Variants in FBXO38 observed in about 807,000 individuals in gnomAD.
The protein encoded by FBXO38 is F-box protein 38.
A neutral mutation model predicts 131.9 loss-of-function variants in FBXO38; 53 were observed. The ratio of observed to expected loss-of-function variants is 0.40; its 90% CI spans 0.32 to 0.51. The LOEUF is 0.51. Ranked by LOEUF, FBXO38 falls within the 20% of genes least tolerant of loss-of-function variation. The pLI, the probability that FBXO38 is intolerant of heterozygous loss-of-function variation, is 0.53. For synonymous variants in FBXO38, 452 were observed against 505.6 expected (o/e 0.89, Z 1.42); for missense variants, 1,076 against 1,475.6 (o/e 0.73, Z 4.44).
chr5:148,398,215 A>G (rs1208138737), intron 2 of FBXO38, among the ~76,000 whole-genome samples: 1 of 152,178 alleles, frequency 6.6e-6, no homozygotes, highest in African/African-American at 2.4e-5. Flanking sequence ...TCAGTAGGTA[A>G]AGGTAGCTTT....
chr5:148,392,853 A>G (rs142161981), intron 1 of FBXO38, among the ~76,000 whole-genome samples: 3 of 152,282 alleles, frequency 2.0e-5, no homozygotes, highest in Non-Finnish European at 2.9e-5. Context: ...TTTGTTGACT[A>G]CATGTTCAAT....
At chr5:148,422,004 A>G (rs1318792317) in intron 12 of FBXO38, among the ~76,000 whole-genome samples, 2 of 150,286 alleles carry the variant, frequency 1.3e-5, no homozygotes, top group Middle Eastern at 3.5e-3. Context: ...GTATGCCTAC[A>G]TCTCTCCTTT....
In FBXO38 at chr5:148,425,551, C is replaced by A; in HGVS notation, c.1768C>A (p.Pro590Thr). Residue 590 changes from proline to threonine, a missense_variant, in exon 14 of 22, where the codon CCA (proline) becomes ACA (threonine). Physicochemically the swap from Pro to Thr is conservative, Grantham distance 38 (BLOSUM62 -1). Around this residue, in one of 8 missense-constraint regions of FBXO38, gnomAD observed 212 missense variants for 221.2 expected, o/e 0.96. Coordinates refer to ENST00000340253, the MANE Select transcript of FBXO38 (RefSeq NM_205836.3). ...GPSGLQRVVK[P>T]TSITVHDSES... ...CAGTGGTCTTCAGCGTGTAGTAAAA[C>A]CAACCTCAATTACTGTTCATGATTC... 1 of 1,613,628 alleles carries A rather than the reference C, an allele frequency of 6.2e-7. No homozygotes were observed. Among genetic ancestry groups the A allele is most frequent in the Non-Finnish European group, 8.5e-7 (1 of 1,179,688 alleles).
chr5:148,388,236 G>C (rs1369913591), intron 1 of FBXO38, among the ~76,000 whole-genome samples: 1 of 152,142 alleles, frequency 6.6e-6, no homozygotes, highest in Non-Finnish European at 1.5e-5. Context: ...AAACAGATGT[G>C]CTGTCTTTCA....
At chr5:148,410,333 A>G (rs758823871) in intron 8 of FBXO38, 8 of 353,166 alleles carry the variant, frequency 2.3e-5, no homozygotes, top group Non-Finnish European at 3.1e-5. Flanking sequence ...ACTAGATCCA[A>G]TGGTTTTAAA....
intron 1 of FBXO38, among the ~76,000 whole-genome samples, chr5:148,389,295 T>G (rs1424627429): frequency 6.6e-6 from 1 of 152,190 alleles, no homozygotes; most frequent in African/African-American, 2.4e-5. Context: ...CACACAGACA[T>G]GAAGTGAGCA....
intron 14 of FBXO38, among the ~76,000 whole-genome samples, chr5:148,425,976 A>G (rs959021168): frequency 1.3e-5 from 2 of 152,186 alleles, no homozygotes; most frequent in African/African-American, 4.8e-5. Flanking sequence ...GTCAGAGATT[A>G]GTGAGCGAAA....
At chr5:148,431,357 A>G (rs1216254307) in intron 15 of FBXO38, among the ~76,000 whole-genome samples, 1 of 152,222 alleles carries the variant, frequency 6.6e-6, no homozygotes, top group African/African-American at 2.4e-5. Context: ...TTTCAAGCTC[A>G]TGTATGTATG....
intron 13 of FBXO38, among the ~76,000 whole-genome samples, chr5:148,425,034 G>A (rs894680587): frequency 1.3e-5 from 2 of 152,156 alleles, no homozygotes; most frequent in African/African-American, 4.8e-5. Context: ...AAATGTATCT[G>A]CTACATCTAA....
At chr5:148,405,926 A>AT (rs1752421181) in intron 6 of FBXO38, among the ~76,000 whole-genome samples, 2 of 152,232 alleles carry the variant, frequency 1.3e-5, no homozygotes, top group Admixed American at 6.5e-5. Context: ...CATAGAGATG[A>AT]TTAAATGATT....
intron 1 of FBXO38, among the ~76,000 whole-genome samples, chr5:148,385,382 T>C (rs1757857627): frequency 6.6e-6 from 1 of 152,130 alleles, no homozygotes; most frequent in Admixed American, 6.5e-5. Context: ...TCCAGTAAGA[T>C]AGGGTGATAT....
intron 6 of FBXO38, among the ~76,000 whole-genome samples, chr5:148,405,654 G>T (rs1326505838): frequency 6.6e-6 from 1 of 152,096 alleles, no homozygotes; most frequent in African/African-American, 2.4e-5. Context: ...CTGTATTATT[G>T]TTTCGTTATC....
chr5:148,420,716 G>T (rs983308153), intron 12 of FBXO38, among the ~76,000 whole-genome samples: 2 of 152,150 alleles, frequency 1.3e-5, no homozygotes, highest in Non-Finnish European at 2.9e-5. Flanking sequence ...TATGGCAGTG[G>T]TTTTCAGACT....
chr5:148,389,991 T>G (rs1046875497), intron 1 of FBXO38: 2 of 151,680 alleles, frequency 1.3e-5, no homozygotes, highest in Non-Finnish European at 2.9e-5. Context: ...ATCGCGCCAT[T>G]GCACTCCAGC....
chr5:148,387,555 C>T (rs1426568339), intron 1 of FBXO38, among the ~76,000 whole-genome samples: 2 of 152,124 alleles, frequency 1.3e-5, no homozygotes, highest in Non-Finnish European at 2.9e-5. Flanking sequence ...ATATTTTGAC[C>T]TCCTCCCATG....
At position 148,416,077 on chromosome 5, in the gene FBXO38, T is replaced by TA. The variant is rs1561530560; in HGVS notation, c.1407+8dup. 6.5e-7 allele frequency: 1 copy of TA among 1,536,860 alleles called. No individual in the cohort carries two copies. On this transcript the variant is annotated splice_region_variant and intron_variant, in intron 11 of 21. Transcript: ENST00000340253. ...GTTTCGTGAACCACCCAAGGTAAGA[T>TA]ACATTTGAGGGAGTTTTTGTTTATT...
At chr5:148,425,832 G>T (rs760201871) in intron 14 of FBXO38, 131 bp downstream of exon 14, 54 of 746,832 alleles carry the variant, frequency 7.2e-5, no homozygotes, top group Non-Finnish European at 1.1e-4. Flanking sequence ...AAATGCACTT[G>T]CCCAAGTAAG....
intron 9 of FBXO38, 199 bp downstream of exon 9, chr5:148,410,964 A>G (rs1168720704): frequency 1.9e-6 from 1 of 524,222 alleles, no homozygotes; most frequent in Non-Finnish European, 3.3e-6. Context: ...ATTTTAGCAT[A>G]TTATAGAAAA....
chr5:148,415,803 A>G, intron 10 of FBXO38, 125 bp from the exon 11 acceptor site: 3 of 965,810 alleles, frequency 3.1e-6, no homozygotes, highest in Non-Finnish European at 4.6e-6. Flanking sequence ...TTTAGAAGTC[A>G]TGAAAAAAAG....
Sources: gnomAD v4.1 joint callset for allele counts (sites outside exome capture counted in the v4.1 genomes callset) on GRCh38, gnomAD v4.1.1 for gene constraint, gnomAD v4.1.1 regional missense constraint, MANE v1.5 for transcripts, NCBI Gene and HGNC (gene_info 2026-07-23, HGNC 2026-07-21) for gene names.